CLEC1A: variants seen among roughly 807,000 people sequenced by gnomAD.
CLEC1A encodes the protein C-type lectin-like receptor-1.
In CLEC1A, 34 loss-of-function variants were observed where a neutral mutation model predicts 28.7. The ratio of observed to expected loss-of-function variants is 1.18; its 90% CI spans 0.90 to 1.57. CLEC1A has a LOEUF of 1.57. Among genes scored for constraint, CLEC1A ranks in the 40% most tolerant of loss-of-function variants. CLEC1A has a pLI of 0.00. For synonymous variants in CLEC1A, 116 were observed against 121.0 expected (o/e 0.96, Z 0.27); for missense variants, 385 against 339.5 (o/e 1.13, Z -1.05).
At position 10,069,776 on chromosome 12, in the gene CLEC1A, A is replaced by C. The variant is rs1283014353; in HGVS notation, c.*1557T>G. The C allele has an allele frequency of 6.6e-6, 1 of 152,060 alleles. No individual in the cohort carries two copies. Among genetic ancestry groups the C allele is most frequent in the Non-Finnish European group, 1.5e-5 (1 of 68,012 alleles). 9.4% of individuals were successfully genotyped at this position (152,060 alleles called of 1,614,324 possible). A position where few individuals can be genotyped will look rare whatever the true frequency, so the allele number is the denominator to read the frequency against. ...CTTGCTCGACCCTGAAGAAAATTTT[A>C]AGGAAATCAACAGAAAATTGAAAGG... On this transcript the variant is annotated 3_prime_UTR_variant, in exon 6 of 6. Transcript: ENST00000315330.
chr12:10,092,801 G>C (rs1947724183), intron 1 of CLEC1A, among the ~76,000 whole-genome samples: 1 of 152,048 alleles, frequency 6.6e-6, no homozygotes, highest in Non-Finnish European at 1.5e-5. Flanking sequence ...AAAAATAAAA[G>C]AAGTATAACA....
chr12:10,086,752 T>C (rs571074768), intron 2 of CLEC1A, among the ~76,000 whole-genome samples: 3 of 152,218 alleles, frequency 2.0e-5, no homozygotes, highest in Non-Finnish European at 2.9e-5. Context: ...GTACAAATAT[T>C]ACTGAAACTG....
chr12:10,075,420 C>G, intron 4 of CLEC1A, 84 bp downstream of exon 4: 3 of 1,443,908 alleles, frequency 2.1e-6, no homozygotes, highest in Non-Finnish European at 2.9e-6. Context: ...GACCGATATT[C>G]TTGATCCTTA....
chr12:10,077,279 G>A (rs1866270508), intron 3 of CLEC1A, among the ~76,000 whole-genome samples: 1 of 152,048 alleles, frequency 6.6e-6, no homozygotes, highest in South Asian at 2.1e-4. Context: ...GAGGAAAATA[G>A]AATACAGATT....
chr12:10,080,818 T>G (rs942604326), intron 3 of CLEC1A, among the ~76,000 whole-genome samples: 4 of 152,222 alleles, frequency 2.6e-5, no homozygotes. Context: ...TAAAATAACT[T>G]GAATTTGATT....
rs746200242 is a variant in CLEC1A, at chr12:10,071,419, T to C, written c.757A>G (p.Lys253Glu). The stretch of plus-strand genomic sequence containing the variant: ...GCCCTTCTCTCACAGACACAACGCT[T>C]CAATTCTTTGCAGTCCTTTGAGAAG... ...MIFSKDCKELKRCVCERRAGM... is the reference protein window; with the variant it reads ...MIFSKDCKELERCVCERRAGM... The change falls in exon 6 of 6, where the codon AAG becomes GAG. Residue 253 changes from lysine to glutamate, a missense_variant. Lys to Glu is a moderately conservative substitution (Grantham distance 56). Transcript: ENST00000315330. The C allele has an allele frequency of 5.0e-6, 8 of 1,613,950 alleles. No homozygotes were observed. The South Asian group carries it at 8.8e-5, about 18-fold the overall frequency.
At chr12:10,093,735 C>T (rs1397333831) in intron 1 of CLEC1A, among the ~76,000 whole-genome samples, 4 of 151,848 alleles carry the variant, frequency 2.6e-5, no homozygotes, top group African/African-American at 4.8e-5. Flanking sequence ...TTCCATGAGC[C>T]AGTCAGGAAT....
At position 10,098,947 on chromosome 12, in the gene CLEC1A, G is replaced by A. The variant is rs1334425935; in HGVS notation, c.-25C>T. The A allele has an allele frequency of 5.1e-6, 8 of 1,570,582 alleles. No individual in the cohort carries two copies. Among genetic ancestry groups the A allele is most frequent in the Non-Finnish European group, 7.0e-6 (8 of 1,146,428 alleles). On this transcript the variant is annotated 5_prime_UTR_variant, in exon 1 of 6. Transcript: ENST00000315330. ...TCTGGATTCCTACAGCGGTGAGAGT[G>A]AAATGTGGTCGGATTGCCCTGGGCC...
intron 1 of CLEC1A, among the ~76,000 whole-genome samples, chr12:10,089,917 G>C (rs1347999631): frequency 6.6e-6 from 1 of 152,100 alleles, no homozygotes; most frequent in Non-Finnish European, 1.5e-5. Flanking sequence ...TTTTAAAACT[G>C]TGGCAAACAT....
chr12:10,077,298 T>C (rs924177711), intron 3 of CLEC1A, among the ~76,000 whole-genome samples: 5 of 152,194 alleles, frequency 3.3e-5, no homozygotes, highest in African/African-American at 1.2e-4. Context: ...TTAGAAGAAA[T>C]TCATTTCTCT....
intron 4 of CLEC1A, among the ~76,000 whole-genome samples, chr12:10,074,224 G>C (rs1421840961): frequency 6.6e-6 from 1 of 152,016 alleles, no homozygotes; most frequent in African/African-American, 2.4e-5. Context: ...TAAATAATGA[G>C]TTTCTCAAGG....
At chr12:10,072,609 C>T (rs1216953366) in intron 5 of CLEC1A, among the ~76,000 whole-genome samples, 1 of 150,880 alleles carries the variant, frequency 6.6e-6, no homozygotes, top group Non-Finnish European at 1.5e-5. Flanking sequence ...GACTCCTGGG[C>T]TTCAATTTAC....
chr12:10,085,234 CACACACACAA>C (rs898612322), intron 2 of CLEC1A, among the ~76,000 whole-genome samples: 4 of 145,470 alleles, frequency 2.7e-5, no homozygotes, highest in African/African-American at 1.1e-4. Flanking sequence ...CACACACACA[CACACACACAA>C]TAAAACAAGG....
rs376070327 is a variant in CLEC1A, at chr12:10,071,330, G to T, written c.*3C>A. On this transcript the variant is annotated 3_prime_UTR_variant, in exon 6 of 6. Coordinates refer to ENST00000315330, the MANE Select transcript of CLEC1A (RefSeq NM_016511.4). ...TCTGCTATTTGTAGTTGCAGAGGGC[G>T]AATCAGTCACCTTCGCCTAATGTTT... The T allele has an allele frequency of 1.8e-5, 29 of 1,612,302 alleles. No homozygotes were observed. Among genetic ancestry groups the T allele is most frequent in the Non-Finnish European group, 2.3e-5 (27 of 1,179,114 alleles).
chr12:10,091,594 T>C (rs1432950383), intron 1 of CLEC1A, among the ~76,000 whole-genome samples: 1 of 151,984 alleles, frequency 6.6e-6, no homozygotes, highest in Non-Finnish European at 1.5e-5. Context: ...TCTTAGTTTT[T>C]CTGGAAAAAG....
chr12:10,072,327 T>C, intron 5 of CLEC1A, among the ~76,000 whole-genome samples: 1 of 152,324 alleles, frequency 6.6e-6, no homozygotes, highest in East Asian at 1.9e-4. Context: ...TAAACCTCCT[T>C]TCTTTATAAG....
At position 10,090,860 on chromosome 12, in the gene CLEC1A, T is replaced by C. The variant is rs1157346722; in HGVS notation, c.116-1638A>G. On this transcript the variant is annotated intron_variant, in intron 1 of 5. Transcript: ENST00000315330. ...CAATTTTATTATGCTACTTCCCTAC[T>C]TAAAAACTTCAAAAGCTTTATTGCA... 2.0e-5 allele frequency among the ~76,000 whole-genome samples: 3 copies of C among 152,128 alleles called. No homozygotes were observed. In the East Asian group the frequency reaches 5.8e-4, roughly 29 times the overall value.
At chr12:10,087,715 G>A (rs1179708395) in intron 2 of CLEC1A, among the ~76,000 whole-genome samples, 6 of 150,208 alleles carry the variant, frequency 4.0e-5, no homozygotes, top group African/African-American at 1.2e-4. Flanking sequence ...TAGAGACAAG[G>A]TTTCACCATG....
Position 10,081,341 on chromosome 12 carries a change from G to A in CLEC1A, c.287C>T (p.Thr96Met), listed in dbSNP as rs368867880. 4.9e-5 allele frequency: 79 copies of A among 1,612,980 alleles called. 2 individuals carry two copies. In the South Asian group the frequency reaches 7.1e-4, roughly 15 times the overall value. The change falls in exon 3 of 6, where the codon ACG becomes ATG. Residue 96 changes from threonine (T) to methionine (M), a missense_variant. Physicochemically the swap from Thr to Met is moderately conservative, Grantham distance 81. Transcript: ENST00000315330. ...TTGAAGAGATTGCAACTCTTGGGAC[G>A]TATTTCCTAATCTTTCTTCCATTTG... ...ISQMEERLGN[T>M]SQELQSLQVQ...
Sources: allele counts gnomAD v4.1 joint callset (sites outside exome capture counted in the v4.1 genomes callset), GRCh38; gene constraint gnomAD v4.1.1; transcripts MANE v1.5; gene names NCBI Gene and HGNC (gene_info 2026-07-23, HGNC 2026-07-21).